The following MAP3K9 variants were observed in gnomAD, a reference collection of about 807,000 sequenced individuals.
The protein encoded by MAP3K9 is mitogen-activated protein kinase kinase kinase 9, also known as mixed lineage kinase 1 (tyr and ser/thr specificity).
In MAP3K9, 46 loss-of-function variants were observed where a neutral mutation model predicts 95.8. The ratio of observed to expected loss-of-function variants is 0.48; its 90% CI spans 0.38 to 0.61. The LOEUF (loss-of-function observed/expected upper bound fraction) is 0.61. MAP3K9 is among the 20% of genes least tolerant of loss of function. The pLI is 0.00. For missense variants in MAP3K9, 1,296 were observed against 1,474.3 expected, an observed-to-expected ratio of 0.88 and a Z score of 1.98; for synonymous variants, 533 against 593.8, an observed-to-expected ratio of 0.90 and a Z score of 1.49.
Position 70,732,891 on chromosome 14 carries a change from T to G in MAP3K9, c.2478A>C (p.Gly826=). 1.2e-6 allele frequency: 2 copies of G among 1,613,784 alleles called. No homozygotes were observed. The highest frequency in any genetic ancestry group is 1.7e-6 in the Non-Finnish European group (2 of 1,179,796). Residue 826 remains glycine, a synonymous_variant, in exon 11 of 12, where the codon GGA becomes GGC. Transcript: ENST00000554752. ...GCAGCGTCAGGGAGGCAGAGGGGTC[T>G]CCTAGCAACAGCATGGGCTCCTCCT... ...FKKEEPMLLL[G]DPSASLTLLS...
intron 1 of MAP3K9, among the ~76,000 whole-genome samples, chr14:70,807,639 T>C (rs553809002): frequency 3.3e-5 from 5 of 152,122 alleles, no homozygotes; most frequent in Non-Finnish European, 7.3e-5. Flanking sequence ...TCAACTAAGA[T>C]GAAAGTATAC....
chr14:70,796,086 C>T lies in MAP3K9; in HGVS notation c.820+4581G>A, dbSNP rs1242032132. Among the ~76,000 whole-genome samples the T allele has an allele frequency of 2.0e-5, 3 of 152,286 alleles. No homozygotes were observed. The East Asian group carries it at 5.8e-4, about 29-fold the overall frequency. ...ATAACTTTTAATGGCCACTATTAAA[C>T]TGCTCTTCTGCCCAATGCCGTTACA... On this transcript the variant is annotated intron_variant, in intron 2 of 11. Transcript: ENST00000554752.
chr14:70,765,546 T>G, intron 2 of MAP3K9: 1 of 619,612 alleles, frequency 1.6e-6, no homozygotes, highest in South Asian at 1.9e-5. Context: ...CTTTTCTACG[T>G]ATAGATACAT....
At chr14:70,779,626 C>T (rs1185600866) in intron 2 of MAP3K9, among the ~76,000 whole-genome samples, 2 of 152,178 alleles carry the variant, frequency 1.3e-5, no homozygotes, top group Non-Finnish European at 2.9e-5. Context: ...CTAACATTCA[C>T]CCACCCACTC....
intron 2 of MAP3K9, among the ~76,000 whole-genome samples, chr14:70,793,073 G>A (rs1594809485): frequency 6.6e-6 from 1 of 152,190 alleles, no homozygotes; most frequent in Non-Finnish European, 1.5e-5. Context: ...CATGAGGAGC[G>A]TGACAGGCAG....
chr14:70,755,237 T>A (rs1200850808), intron 3 of MAP3K9, among the ~76,000 whole-genome samples: 1 of 152,224 alleles, frequency 6.6e-6, no homozygotes, highest in East Asian at 1.9e-4. Flanking sequence ...GGGAAACAGC[T>A]TTGTACCAAG....
intron 11 of MAP3K9, among the ~76,000 whole-genome samples, chr14:70,731,498 CA>C (rs1157774542): frequency 1.4e-4 from 22 of 152,190 alleles, no homozygotes; most frequent in African/African-American, 4.8e-4. Context: ...CAGCCACATC[CA>C]GTGTCTGCTT....
chr14:70,805,095 G>A (rs2054975885), intron 1 of MAP3K9, among the ~76,000 whole-genome samples: 2 of 152,162 alleles, frequency 1.3e-5, no homozygotes, highest in South Asian at 4.1e-4. Flanking sequence ...AGTTTCTGTG[G>A]AAGGATATTT....
intron 3 of MAP3K9, among the ~76,000 whole-genome samples, chr14:70,759,635 A>G (rs1477105573): frequency 6.6e-6 from 1 of 152,200 alleles, no homozygotes; most frequent in Non-Finnish European, 1.5e-5. Context: ...GAACTATAAA[A>G]GCACGCACTT....
intron 2 of MAP3K9, among the ~76,000 whole-genome samples, chr14:70,780,314 G>A (rs1283293739): frequency 6.6e-6 from 1 of 152,146 alleles, no homozygotes; most frequent in Non-Finnish European, 1.5e-5. Flanking sequence ...TATATTTATA[G>A]GCCTCCTGTA....
At position 70,730,795 on chromosome 14, in the gene MAP3K9, A is replaced by G; in HGVS notation, c.2900T>C (p.Val967Ala). The G allele has an allele frequency of 1.2e-6, 2 of 1,612,010 alleles. No individual in the cohort carries two copies. The highest frequency in any genetic ancestry group is 1.7e-6 in the Non-Finnish European group (2 of 1,179,568). Residue 967 changes from valine to alanine, a missense_variant, in exon 12 of 12, where the codon GTC becomes GCC. Val to Ala is a moderately conservative substitution (Grantham distance 64, BLOSUM62 0). Transcript: ENST00000554752. Reference protein sequence around the residue: ...EFPRLPDPNVVFPPTPRRWNT... With the variant: ...EFPRLPDPNVAFPPTPRRWNT... Reference sequence around the variant, plus strand: ...CCAGCGCCTTGGGGTTGGGGGGAAGACCACATTGGGGTCAGGGAGACGGGG... The same window carrying G: ...CCAGCGCCTTGGGGTTGGGGGGAAGGCCACATTGGGGTCAGGGAGACGGGG...
At chr14:70,800,317 G>A (rs2054913644) in intron 2 of MAP3K9, among the ~76,000 whole-genome samples, 1 of 152,088 alleles carries the variant, frequency 6.6e-6, no homozygotes, top group Non-Finnish European at 1.5e-5. Flanking sequence ...GTTCCACAAA[G>A]AGGAAAATCC....
intron 2 of MAP3K9, among the ~76,000 whole-genome samples, chr14:70,795,744 T>C (rs972650421): frequency 6.6e-6 from 1 of 151,464 alleles, no homozygotes; most frequent in Non-Finnish European, 1.5e-5. Flanking sequence ...TCTTTACTTA[T>C]TTAACTTTTT....
chr14:70,793,628 G>A (rs1288123900), intron 2 of MAP3K9, among the ~76,000 whole-genome samples: 4 of 152,068 alleles, frequency 2.6e-5, no homozygotes, highest in Non-Finnish European at 5.9e-5. Context: ...TTGGGATCAC[G>A]TAAGTAAACC....
chr14:70,807,330 A>G (rs1011788744), intron 1 of MAP3K9, among the ~76,000 whole-genome samples: 9 of 152,180 alleles, frequency 5.9e-5, no homozygotes, highest in Admixed American at 1.3e-4. Context: ...TCTCTACTAA[A>G]AATGCAAAAA....
At chr14:70,761,631 G>A (rs997950033) in intron 2 of MAP3K9, among the ~76,000 whole-genome samples, 2 of 152,188 alleles carry the variant, frequency 1.3e-5, no homozygotes, top group Non-Finnish European at 2.9e-5. Context: ...AGGTGTGGTA[G>A]TGCACGCCAG....
chr14:70,767,761 T>C (rs1213392682), intron 2 of MAP3K9, among the ~76,000 whole-genome samples: 1 of 152,208 alleles, frequency 6.6e-6, no homozygotes, highest in Non-Finnish European at 1.5e-5. Context: ...CAATCATAGC[T>C]CACTGTAACC....
rs753342747 is a variant in MAP3K9, at chr14:70,800,985, C to T, written c.502G>A (p.Val168Ile). 4 of 1,614,204 alleles carry T rather than the reference C, an allele frequency of 2.5e-6. No homozygotes were observed. Among genetic ancestry groups the T allele is most frequent in the Non-Finnish European group, 1.7e-6 (2 of 1,180,050 alleles). The change falls in exon 2 of 12, where the codon GTT becomes ATT. Residue 168 changes from valine (V) to isoleucine (I), a missense_variant. Val to Ile is a conservative substitution (Grantham distance 29). Coordinates refer to ENST00000554752, the MANE Select transcript of MAP3K9 (RefSeq NM_001284230.2). ...VYRAFWIGDE[V>I]AVKAARHDPD... ...TCGTGGCGAGCTGCTTTCACAGCAA[C>T]CTCATCCCCTATCCAGAAAGCACGA...
At chr14:70,793,216 A>G (rs1362349567) in intron 2 of MAP3K9, among the ~76,000 whole-genome samples, 4 of 152,238 alleles carry the variant, frequency 2.6e-5, no homozygotes, top group African/African-American at 9.6e-5. Context: ...GACGTGGGCC[A>G]GTGAGTTAGC....
Sources: allele counts gnomAD v4.1 joint callset (sites outside exome capture counted in the v4.1 genomes callset), GRCh38; gene constraint gnomAD v4.1.1; transcripts MANE v1.5; gene names NCBI Gene and HGNC (gene_info 2026-07-23, HGNC 2026-07-21).